Variants in DNAL4 observed in about 807,000 individuals in gnomAD.
DNAL4 encodes dynein light chain, outer arm 4.
In DNAL4, 10 loss-of-function variants were observed where a neutral mutation model predicts 12.6. The ratio of observed to expected loss-of-function variants is 0.79; its 90% confidence interval spans 0.49 to 1.34. DNAL4 has a LOEUF of 1.34. Ranked by LOEUF, DNAL4 falls within the 40% of genes most tolerant of loss-of-function variation. The pLI is 0.00. For synonymous variants in DNAL4, 46 were observed against 53.1 expected, an observed-to-expected ratio of 0.87 and a Z score of 0.58; for missense variants, 128 against 138.1, an observed-to-expected ratio of 0.93 and a Z score of 0.37.
intron 1 of DNAL4, among the ~76,000 whole-genome samples, chr22:38,793,286 G>A (rs1212698413): frequency 6.6e-6 from 1 of 152,178 alleles, no homozygotes. Flanking sequence ...CCCAGAGAGG[G>A]AAAATGTGGT....
intron 3 of DNAL4, 24 bp downstream of exon 3, chr22:38,780,902 G>A (rs747436492): frequency 1.9e-6 from 3 of 1,613,478 alleles, no homozygotes; most frequent in South Asian, 2.2e-5. Flanking sequence ...AAGCACGAGG[G>A]GCCGCCTGCA....
intron 1 of DNAL4, among the ~76,000 whole-genome samples, chr22:38,793,644 G>A (rs2093054283): frequency 6.6e-6 from 1 of 152,158 alleles, no homozygotes; most frequent in African/African-American, 2.4e-5. Flanking sequence ...GCCCAAACAG[G>A]GGAAATGACC....
At chr22:38,787,730 G>C (rs940484071) in intron 1 of DNAL4, among the ~76,000 whole-genome samples, 1 of 152,232 alleles carries the variant, frequency 6.6e-6, no homozygotes, top group Admixed American at 6.5e-5. Flanking sequence ...AAGGAGGAAA[G>C]AGTCACAAGG....
chr22:38,779,515 C>G lies in DNAL4; in HGVS notation c.252G>C (p.Glu84Asp). The G allele has an allele frequency of 6.3e-7, 1 of 1,582,448 alleles. No individual in the cohort carries two copies. Among genetic ancestry groups the G allele is most frequent in the South Asian group, 1.2e-5 (1 of 86,720 alleles). Residue 84 changes from glutamate to aspartate, a missense_variant, in exon 4 of 4, where the codon GAG becomes GAC. Transcript: ENST00000216068. The surrounding 1 kb of genome is among the most constrained non-coding windows in gnomAD (Gnocchi z 4.3). ...AGTACAGGTAGAGGAGGTTCTTCAC[C>G]TCGTGGGTGATCTCAAACCCAAAGC... is the stretch of plus-strand genomic sequence containing the variant. ...GEGFGFEITH[E>D]VKNLLYLYFG...
intron 1 of DNAL4, among the ~76,000 whole-genome samples, chr22:38,790,329 A>G (rs1033038272): frequency 9.2e-5 from 14 of 152,126 alleles, no homozygotes; most frequent in Admixed American, 3.3e-4. Context: ...CTTGAAGGAG[A>G]GTGGTGGCTT....
In DNAL4 at chr22:38,779,893, G is replaced by A. The variant is rs549913330; in HGVS notation, c.154-280C>T. On this transcript the variant is annotated intron_variant, in intron 3 of 3. Transcript: ENST00000216068. This position sits in a 1 kb window ranked among gnomAD's most constrained non-coding sequence, Gnocchi z 4.3. ...AGGTCTGGAGATAGCCTGGGGCTGC[G>A]TCCTGGCTCTGCACTTAGTGCGGGC... Among the ~76,000 whole-genome samples the A allele has an allele frequency of 8.7e-4, 132 of 152,282 alleles. No homozygotes were observed. The highest frequency in any genetic ancestry group is 3.0e-3 in the African/African-American group (126 of 41,558).
chr22:38,783,580 C>G (rs1008208020), intron 1 of DNAL4, among the ~76,000 whole-genome samples: 3 of 152,256 alleles, frequency 2.0e-5, no homozygotes, highest in Non-Finnish European at 4.4e-5. Context: ...TGTGCCCTCC[C>G]TGGCACACCA....
At chr22:38,793,314 A>C (rs138503553) in intron 1 of DNAL4, among the ~76,000 whole-genome samples, 1 of 152,298 alleles carries the variant, frequency 6.6e-6, no homozygotes, top group East Asian at 1.9e-4. Context: ...CAAAGGAAAG[A>C]AACTAACAAA....
chr22:38,784,803 G>A (rs1046827177), intron 1 of DNAL4, among the ~76,000 whole-genome samples: 3 of 152,134 alleles, frequency 2.0e-5, no homozygotes, highest in Non-Finnish European at 4.4e-5. Flanking sequence ...GTGAGCTACC[G>A]CGCCCAGCCT....
At chr22:38,780,841 A>G in intron 3 of DNAL4, 85 bp downstream of exon 3, 1 of 1,367,656 alleles carries the variant, frequency 7.3e-7, no homozygotes, top group Non-Finnish European at 1.0e-6. Flanking sequence ...TACTGTCTGG[A>G]GCCAACTGCA....
At chr22:38,787,838 G>A (rs137941929) in intron 1 of DNAL4, among the ~76,000 whole-genome samples, 12 of 152,266 alleles carry the variant, frequency 7.9e-5, no homozygotes, top group Non-Finnish European at 1.5e-4. Context: ...CACCTGTGAG[G>A]GAAGGATCCA....
Position 38,780,925 on chromosome 22 carries a change from C to G in DNAL4, c.153+1G>C, listed in dbSNP as rs1323966648. 2 of 1,614,232 alleles carry G rather than the reference C, an allele frequency of 1.2e-6. No individual in the cohort carries two copies. The highest frequency in any genetic ancestry group is 1.7e-6 in the Non-Finnish European group (2 of 1,180,032). On this transcript the variant is annotated splice_donor_variant, in intron 3 of 3. Coordinates refer to ENST00000216068, the MANE Select transcript of DNAL4 (RefSeq NM_005740.3). LOFTEE classifies it high-confidence loss of function. ...GGGGCCGCCTGCACTGCTGGCAATA[C>G]CTCGTTGTTGTTGGAGAATTTCTCA...
At chr22:38,781,061 G>A in intron 2 of DNAL4, 52 bp from the exon 3 acceptor site, 1 of 1,601,126 alleles carries the variant, frequency 6.2e-7, no homozygotes, top group Non-Finnish European at 8.5e-7. Context: ...CCCGTGACCT[G>A]GCCTTCCTGG....
At chr22:38,787,566 T>G (rs150314280) in intron 1 of DNAL4, among the ~76,000 whole-genome samples, 175 of 152,252 alleles carry the variant, frequency 1.1e-3, no homozygotes, top group African/African-American at 3.1e-3. Context: ...ATCTGGAAAT[T>G]GGGGCTAAGG....
In DNAL4 at chr22:38,779,437, G is replaced by A. The variant is rs758258970; in HGVS notation, c.*12C>T. ...AAAAGGCCCTGCAGGGGACGGGGCA[G>A]GGGACAGAGTGTCAGGAGCACTTCC... On this transcript the variant is annotated 3_prime_UTR_variant, in exon 4 of 4. Transcript: ENST00000216068. The surrounding 1 kb of genome is among the most constrained non-coding windows in gnomAD (Gnocchi z 4.3). 1.3e-6 allele frequency: 2 copies of A among 1,561,902 alleles called. No individual in the cohort carries two copies. Among genetic ancestry groups the A allele is most frequent in the South Asian group, 1.2e-5 (1 of 84,940 alleles).
At position 38,779,242 on chromosome 22, in the gene DNAL4, C is replaced by T; in HGVS notation, c.*207G>A. 1 of 647,006 alleles carries T rather than the reference C, an allele frequency of 1.5e-6. No homozygotes were observed. The highest frequency in any genetic ancestry group is 2.5e-6 in the Non-Finnish European group (1 of 405,516). 40.1% of individuals were successfully genotyped at this position (647,006 alleles called of 1,614,324 possible). Reference sequence around the variant, plus strand: ...CCCATGCCCGCTGCCCCGTCCACACCCTGAGACTCCGAGGGAGACGGTTGA... The same window carrying T: ...CCCATGCCCGCTGCCCCGTCCACACTCTGAGACTCCGAGGGAGACGGTTGA... On this transcript the variant is annotated 3_prime_UTR_variant, in exon 4 of 4. Coordinates refer to ENST00000216068, the MANE Select transcript of DNAL4 (RefSeq NM_005740.3). The surrounding 1 kb of genome is among the most constrained non-coding windows in gnomAD (Gnocchi z 4.3).
chr22:38,784,984 C>CCT (rs1556022813), intron 1 of DNAL4, among the ~76,000 whole-genome samples: 1 of 150,530 alleles, frequency 6.6e-6, no homozygotes, highest in Non-Finnish European at 1.5e-5. Context: ...GACCCCCCCC[C>CCT]CCATCCAATG....
At chr22:38,783,964 G>GTT (rs66904972) in intron 1 of DNAL4, among the ~76,000 whole-genome samples, 3 of 147,162 alleles carry the variant, frequency 2.0e-5, no homozygotes, top group Admixed American at 1.4e-4. Flanking sequence ...ATAATTCAAA[G>GTT]TTTTTTTTTT....
intron 1 of DNAL4, among the ~76,000 whole-genome samples, chr22:38,793,060 T>C (rs1248193089): frequency 1.3e-5 from 2 of 152,228 alleles, no homozygotes; most frequent in African/African-American, 2.4e-5. Flanking sequence ...AACTAGGTGA[T>C]AGAAATTTGT....
Sources: gnomAD v4.1 joint callset for allele counts (sites outside exome capture counted in the v4.1 genomes callset) on GRCh38, gnomAD v4.1.1 for gene constraint, Gnocchi (gnomAD v3.1) non-coding constraint, MANE v1.5 for transcripts, NCBI Gene and HGNC (gene_info 2026-07-23, HGNC 2026-07-21) for gene names.